STS: variants seen among roughly 807,000 people sequenced by gnomAD.
STS encodes steryl-sulfatase.
A neutral mutation model predicts 26.8 loss-of-function variants in STS; 7 were observed. The observed-to-expected ratio is 0.26, with a 90% CI of 0.15 to 0.49. STS has a LOEUF of 0.49. Ranked by LOEUF, STS falls within the 20% of genes least tolerant of loss-of-function variation. The pLI is 0.98. For missense variants in STS, 434 were observed against 465.6 expected (o/e 0.93, Z 0.63); for synonymous variants, 199 against 189.4 (o/e 1.05, Z -0.42).
chrX:7,308,233 C>T (rs1339204234), intron 8 of STS, among the ~76,000 whole-genome samples: 1 of 112,332 alleles, frequency 8.9e-6, no homozygotes, highest in African/African-American at 3.2e-5. Context: ...GCATTCCACG[C>T]TCTAGTTCAT....
intron 7 of STS, among the ~76,000 whole-genome samples, chrX:7,290,474 A>G: frequency 8.9e-6 from 1 of 112,241 alleles, no homozygotes; most frequent in Non-Finnish European, 1.9e-5. Flanking sequence ...TGCGAATGGA[A>G]CTGTATTATC....
intron 6 of STS, among the ~76,000 whole-genome samples, chrX:7,263,681 A>C (rs1054845390): frequency 8.9e-6 from 1 of 112,361 alleles, no homozygotes; most frequent in Non-Finnish European, 1.9e-5. Flanking sequence ...TGTGAAGTAT[A>C]CTGCTTATTG....
At chrX:7,344,234 C>T (rs1928422053) in intron 10 of STS, among the ~76,000 whole-genome samples, 1 of 111,789 alleles carries the variant, frequency 8.9e-6, no homozygotes, top group African/African-American at 3.3e-5. Flanking sequence ...CAGAGCTTGT[C>T]AACCTGGGTA....
intron 2 of STS, chrX:7,219,448 G>C (rs1161803139): frequency 6.5e-6 from 7 of 1,083,351 alleles, no homozygotes; most frequent in Non-Finnish European, 8.4e-6. Context: ...CACATTATCT[G>C]CCCAAGCACA....
chrX:7,222,163 A>G (rs1465451305), intron 2 of STS, among the ~76,000 whole-genome samples: 1 of 112,132 alleles, frequency 8.9e-6, no homozygotes, highest in African/African-American at 3.2e-5. Context: ...TTCCAAGAAC[A>G]GATGTGTTGT....
At chrX:7,343,417 C>T (rs1399106750) in intron 10 of STS, among the ~76,000 whole-genome samples, 1 of 112,582 alleles carries the variant, frequency 8.9e-6, no homozygotes, top group Non-Finnish European at 1.9e-5. Flanking sequence ...TTGGCTGCAG[C>T]TTTCTGTTCA....
intron 6 of STS, among the ~76,000 whole-genome samples, chrX:7,263,799 GTATATATGTGTGTGTGTTTGTGTA>G (rs1377208170): frequency 2.0e-5 from 2 of 101,320 alleles, no homozygotes; most frequent in Admixed American, 2.2e-4. Context: ...ATATGTGTGT[GTATATATGTGTGTGTGTTTGTGTA>G]TATATATGTG....
chrX:7,297,888 G>A (rs1446018872), intron 7 of STS, among the ~76,000 whole-genome samples: 1 of 111,283 alleles, frequency 9.0e-6, no homozygotes, highest in Non-Finnish European at 1.9e-5. Context: ...GTATGTGCTG[G>A]AGTTCACCAT....
chrX:7,168,100 CATTTCCACCCTCACTCAAG>C (rs1331199703), intron 1 of STS, among the ~76,000 whole-genome samples: 14 of 111,168 alleles, frequency 1.3e-4, no homozygotes, highest in Non-Finnish European at 2.5e-4. Flanking sequence ...AGCAAGTCAT[CATTTCCACCCTCACTCAAG>C]AGAAGGTGTA....
chrX:7,343,023 G>A (rs1830477137), intron 10 of STS, among the ~76,000 whole-genome samples: 1 of 111,003 alleles, frequency 9.0e-6, no homozygotes, highest in South Asian at 3.9e-4. Context: ...GCAGGCCTAG[G>A]GTTCTTTGTG....
At chrX:7,326,791 A>G (rs1211436027) in intron 9 of STS, among the ~76,000 whole-genome samples, 1 of 111,859 alleles carries the variant, frequency 8.9e-6, no homozygotes, top group Non-Finnish European at 1.9e-5. Context: ...GAAAGGGGAA[A>G]GGAAAGACAA....
intron 7 of STS, among the ~76,000 whole-genome samples, chrX:7,299,470 CAT>C (rs1218727658): frequency 1.9e-5 from 2 of 102,643 alleles, no homozygotes; most frequent in African/African-American, 3.5e-5. Context: ...AACATATATA[CAT>C]ATATGTGTGT....
At chrX:7,221,281 C>T (rs1169294117) in intron 2 of STS, among the ~76,000 whole-genome samples, 1 of 112,373 alleles carries the variant, frequency 8.9e-6, no homozygotes, top group Non-Finnish European at 1.9e-5. Flanking sequence ...TCTCTTCTGA[C>T]GCACATGCCA....
chrX:7,151,391 G>A (rs1933008575), intron 1 of STS, among the ~76,000 whole-genome samples: 1 of 112,017 alleles, frequency 8.9e-6, no homozygotes, highest in Admixed American at 9.4e-5. Flanking sequence ...ATGATGCTGA[G>A]AGACCAGAAA....
At chrX:7,326,025 T>C (rs985863070) in intron 9 of STS, among the ~76,000 whole-genome samples, 1 of 111,826 alleles carries the variant, frequency 8.9e-6, no homozygotes, top group East Asian at 2.8e-4. Flanking sequence ...GGTTTGATGC[T>C]GGCTTTGGGG....
chrX:7,174,514 G>T (rs1363295841), intron 1 of STS, among the ~76,000 whole-genome samples: 4 of 111,518 alleles, frequency 3.6e-5, no homozygotes, highest in Non-Finnish European at 7.5e-5. Flanking sequence ...ATTTTGGGTC[G>T]AACCCTAAAG....
intron 10 of STS, among the ~76,000 whole-genome samples, chrX:7,341,136 C>A (rs185216248): frequency 8.9e-6 from 1 of 111,808 alleles, no homozygotes; most frequent in Admixed American, 9.5e-5. Flanking sequence ...TACTGGCATA[C>A]AGTTGCAAAG....
At chrX:7,152,119 G>GT (rs1331884560) in intron 1 of STS, among the ~76,000 whole-genome samples, 1 of 108,678 alleles carries the variant, frequency 9.2e-6, no homozygotes, top group African/African-American at 3.4e-5. Context: ...TGCCTGGCTA[G>GT]TTTTTTGTAT....
rs767276789 is a variant in STS at position 7,253,184 on chromosome X, T to G, written c.-4-12T>G. ...ATCCTTCAGTTCCTTTTTGTGTCCT[T>G]GTCCTTTACAGGAAGATGAAGATCC... On this transcript the variant is annotated splice_polypyrimidine_tract_variant and intron_variant, in intron 2 of 10. Transcript: ENST00000674429. 3 of 1,208,728 alleles carry G rather than the reference T, an allele frequency of 2.5e-6. No individual in the cohort carries two copies. The highest frequency in any genetic ancestry group is 4.4e-5 in the Admixed American group (2 of 45,643).
Sources: gnomAD v4.1 joint callset for allele counts (sites outside exome capture counted in the v4.1 genomes callset) on GRCh38, gnomAD v4.1.1 for gene constraint, MANE v1.5 for transcripts, NCBI Gene and HGNC (gene_info 2026-07-23, HGNC 2026-07-21) for gene names.